Variants in TAOK2 observed in about 807,000 individuals in gnomAD.
The protein encoded by TAOK2 is TAO kinase 2.
Under a neutral mutation model 122.5 loss-of-function variants are expected in TAOK2, and 42 were observed. That is an observed-to-expected ratio of 0.34 (90% CI 0.27 to 0.44). The LOEUF (loss-of-function observed/expected upper bound fraction) is 0.44, where lower values mean the gene tolerates loss of function less well. TAOK2 is among the 20% of genes least tolerant of loss of function. TAOK2 has a pLI of 1.00. For missense variants in TAOK2, 1,264 were observed against 1,644.9 expected, an observed-to-expected ratio of 0.77 and a Z score of 4.01; for synonymous variants, 704 against 677.6, an observed-to-expected ratio of 1.04 and a Z score of -0.61.
intron 3 of TAOK2, 38 bp downstream of exon 3, chr16:29,978,198 G>A (rs1422904484): frequency 6.2e-7 from 1 of 1,613,880 alleles, no homozygotes; most frequent in East Asian, 2.2e-5. Flanking sequence ...GGGGACAGGG[G>A]ACTCCTGTCT....
At chr16:29,980,338 C>T (rs903553889) in intron 8 of TAOK2, 1 of 152,258 alleles carries the variant, frequency 6.6e-6, no homozygotes, top group African/African-American at 2.4e-5. Context: ...CTGCAGTGAT[C>T]TCTCCAGTCT....
downstream of TAOK2, chr16:29,989,554 C>T: frequency 6.2e-7 from 1 of 1,610,846 alleles, no homozygotes; most frequent in Non-Finnish European, 8.5e-7. Flanking sequence ...CTCCTCTTCC[C>T]CGCTGCCCCC....
intron 8 of TAOK2, chr16:29,981,253 A>AT (rs1017852844): frequency 4.5e-6 from 2 of 444,600 alleles, no homozygotes; most frequent in Non-Finnish European, 7.9e-6. Context: ...CTTTGATGTT[A>AT]TTTTTTCAGT....
Position 29,977,738 on chromosome 16 carries a change from G to C in TAOK2, c.-35G>C. On this transcript the variant is annotated splice_region_variant and 5_prime_UTR_variant, in exon 2 of 16. Coordinates refer to ENST00000308893, the MANE Select transcript of TAOK2 (RefSeq NM_016151.4). The stretch of plus-strand genomic sequence containing the variant: ...TAAGGGTCCCATTTCCATTCCTCAG[G>C]CCAGGCCCCACTCTCAGGGCCCCCA... The C allele has an allele frequency of 6.2e-7, 1 of 1,612,598 alleles. No individual in the cohort carries two copies. The highest frequency in any genetic ancestry group is 8.5e-7 in the Non-Finnish European group (1 of 1,179,544).
chr16:29,975,808 C>T (rs1466618993), intron 1 of TAOK2, among the ~76,000 whole-genome samples: 2 of 152,174 alleles, frequency 1.3e-5, no homozygotes, highest in African/African-American at 4.8e-5. Context: ...TGCTGAGTGT[C>T]TGCATGGTGT....
intron 10 of TAOK2, 49 bp from the exon 11 acceptor site, chr16:29,982,685 G>GT: frequency 6.3e-7 from 1 of 1,585,558 alleles, no homozygotes; most frequent in Non-Finnish European, 8.6e-7. Context: ...GCTGTGGGTT[G>GT]TGGGGGGAAG....
Position 29,979,519 on chromosome 16 carries a change from C to T in TAOK2, c.655+11C>T, listed in dbSNP as rs779777163. Reference sequence around the variant, plus strand: ...CCTGCATCGAGCTGGGTAAGAACATCCTCCCTGTTCCCTCATCATCTTTTC... The same window carrying T: ...CCTGCATCGAGCTGGGTAAGAACATTCTCCCTGTTCCCTCATCATCTTTTC... On this transcript the variant is annotated intron_variant, in intron 8 of 15. Transcript: ENST00000308893. This position sits in a 1 kb window ranked among gnomAD's most constrained non-coding sequence, Gnocchi z 4.1. 2 of 1,507,692 alleles carry T rather than the reference C, an allele frequency of 1.3e-6. No homozygotes were observed. The highest frequency in any genetic ancestry group is 2.3e-5 in the East Asian group (1 of 43,368). 93.4% of individuals were successfully genotyped at this position (1,507,692 alleles called of 1,614,324 possible).
Position 29,986,967 on chromosome 16 carries a change from C to T in TAOK2, c.2695C>T (p.Pro899Ser). 1 of 1,613,608 alleles carries T rather than the reference C, an allele frequency of 6.2e-7. No individual in the cohort carries two copies. Among genetic ancestry groups the T allele is most frequent in the Non-Finnish European group, 8.5e-7 (1 of 1,179,702 alleles). ...WVQGPALTPV[P>S]EEEEEEEEGA... ...CCAGGGCCCAGCACTGACTCCCGTC[C>T]CTGAGGAGGAGGAAGAAGAGGAAGA... The change falls in exon 16 of 16, where the codon CCT (proline) becomes TCT (serine). Residue 899 changes from proline (P) to serine (S), a missense_variant. By Grantham distance (74) the Pro-to-Ser change is moderately conservative (BLOSUM62 -1). Coordinates refer to ENST00000308893, the MANE Select transcript of TAOK2 (RefSeq NM_016151.4). This position sits in a 1 kb window ranked among gnomAD's most constrained non-coding sequence, Gnocchi z 4.2.
chr16:29,981,229 T>C, intron 8 of TAOK2: 1 of 364,064 alleles, frequency 2.7e-6, no homozygotes, highest in Non-Finnish European at 4.9e-6. Flanking sequence ...GTTTCCCTCT[T>C]ATACCAGTTA....
intron 8 of TAOK2, chr16:29,980,444 C>CT (rs2069578955): frequency 2.0e-5 from 3 of 152,242 alleles, no homozygotes; most frequent in Non-Finnish European, 2.9e-5. Flanking sequence ...CATGAGTGGC[C>CT]CCCTGTTGCC....
intron 9 of TAOK2, 41 bp from the exon 10 acceptor site, chr16:29,981,818 A>G (rs763939409): frequency 6.9e-6 from 11 of 1,604,728 alleles, no homozygotes; most frequent in Non-Finnish European, 1.7e-6. Context: ...TGCCTGACTC[A>G]TGCCTTCCCC....
At position 29,985,563 on chromosome 16, in the gene TAOK2, G is replaced by A. The variant is rs2150900510; in HGVS notation, c.1773G>A (p.Lys591=). ...AGAAGCGGACCTACAAACTTCGCAA[G>A]GAACAGCTGAAGGAGGTGAGCTAGG... ...EAQKRTYKLR[K]EQLKEELQEN... Residue 591 remains lysine, a synonymous_variant, in exon 14 of 16, where the codon AAG becomes AAA. Transcript: ENST00000308893. The surrounding 1 kb of genome is among the most constrained non-coding windows in gnomAD (Gnocchi z 6.9). 6.2e-7 allele frequency: 1 copy of A among 1,602,268 alleles called. No individual in the cohort carries two copies. The highest frequency in any genetic ancestry group is 8.5e-7 in the Non-Finnish European group (1 of 1,172,376).
In TAOK2 at chr16:29,987,969, C is replaced by G; in HGVS notation, c.3697C>G (p.Pro1233Ala). 6.5e-7 allele frequency: 1 copy of G among 1,531,242 alleles called. No homozygotes were observed. Among genetic ancestry groups the G allele is most frequent in the Non-Finnish European group, 8.7e-7 (1 of 1,145,438 alleles). 94.9% of individuals were successfully genotyped at this position (1,531,242 alleles called of 1,614,324 possible). Residue 1233 changes from proline to alanine, a missense_variant, in exon 16 of 16, where the codon CCC becomes GCC. By Grantham distance (27) the Pro-to-Ala change is conservative. Coordinates refer to ENST00000308893, the MANE Select transcript of TAOK2 (RefSeq NM_016151.4). Reference protein sequence around the residue: ...SRTRQSRALPPWR With the variant: ...SRTRQSRALPAWR The stretch of plus-strand genomic sequence containing the variant: ...CACCCGCCAGTCCCGGGCCCTGCCC[C>G]CCTGGAGGTAGCTGACTCCAGCCCT...
chr16:29,984,562 A>G (rs1311687511), intron 13 of TAOK2, among the ~76,000 whole-genome samples: 1 of 152,066 alleles, frequency 6.6e-6, no homozygotes, highest in African/African-American at 2.4e-5. Flanking sequence ...GTTGTGCGGT[A>G]CTGTGCTGAG....
chr16:29,990,975 C>T (rs761303159), downstream of TAOK2: 3 of 1,608,452 alleles, frequency 1.9e-6, no homozygotes, highest in Non-Finnish European at 2.5e-6. Context: ...GGGTAAGGGG[C>T]CCAGCCTCCA....
downstream of TAOK2, chr16:29,992,083 C>A (rs1160411367): frequency 1.3e-5 from 2 of 151,592 alleles, no homozygotes; most frequent in Non-Finnish European, 2.9e-5. Flanking sequence ...GCCGTCTTGT[C>A]CTTTATCTTT....
chr16:29,986,622 C>G lies in TAOK2; in HGVS notation c.2350C>G (p.Leu784Val), dbSNP rs780356988. The stretch of plus-strand genomic sequence containing the variant: ...CTGCTCACCTGGCCAGGAGGCAGTC[C>G]TGGACCAAAGAATGCTTGGCGAGGA... ...QPCSPGQEAV[L>V]DQRMLGEEEE... Residue 784 changes from leucine to valine, a missense_variant, in exon 16 of 16, where the codon CTG (leucine) becomes GTG (valine). Transcript: ENST00000308893. The surrounding 1 kb of genome is among the most constrained non-coding windows in gnomAD (Gnocchi z 4.2). 10 of 1,612,196 alleles carry G rather than the reference C, an allele frequency of 6.2e-6. No homozygotes were observed. Among genetic ancestry groups the G allele is most frequent in the Non-Finnish European group, 8.5e-6 (10 of 1,179,264 alleles).
chr16:29,976,892 A>T (rs1473179976), intron 1 of TAOK2, among the ~76,000 whole-genome samples: 4 of 152,210 alleles, frequency 2.6e-5, no homozygotes, highest in Admixed American at 1.3e-4. Context: ...AATCATAGTG[A>T]TGGAGGACCA....
Position 29,988,186 on chromosome 16 carries a change from C to T in TAOK2, c.*206C>T, listed in dbSNP as rs1024623181. 14 of 1,432,290 alleles carry T rather than the reference C, an allele frequency of 9.8e-6. No individual in the cohort carries two copies. The highest frequency in any genetic ancestry group is 4.3e-5 in the African/African-American group (3 of 69,572). The allele number at this position is 1,432,290 out of a possible 1,614,324, so 88.7% of individuals were successfully genotyped here. On this transcript the variant is annotated 3_prime_UTR_variant, in exon 16 of 16. Transcript: ENST00000308893. ...AGTCACTCTGTGTTCTCCTGGCGCT[C>T]CTCCCCTAAGTTATTGCTGTTCGCC...
Sources: gnomAD v4.1 joint callset for allele counts (sites outside exome capture counted in the v4.1 genomes callset) on GRCh38, gnomAD v4.1.1 for gene constraint, Gnocchi (gnomAD v3.1) non-coding constraint, MANE v1.5 for transcripts, NCBI Gene and HGNC (gene_info 2026-07-23, HGNC 2026-07-21) for gene names.